The following SFXN1 variants were observed in gnomAD, a reference collection of about 807,000 sequenced individuals.
SFXN1 encodes the protein sideroflexin 1.
Under a neutral mutation model 39.5 loss-of-function variants are expected in SFXN1, and 32 were observed. The ratio of observed to expected loss-of-function variants is 0.81; its 90% CI spans 0.61 to 1.09. The LOEUF (loss-of-function observed/expected upper bound fraction) is 1.09, where lower values mean the gene tolerates loss of function less well. Among genes scored for constraint, SFXN1 ranks in the 50% least tolerant of loss-of-function variants. The pLI is 0.00. For missense variants in SFXN1, 402 were observed against 407.1 expected (o/e 0.99, Z 0.11); for synonymous variants, 136 against 146.5 (o/e 0.93, Z 0.52).
intron 2 of SFXN1, among the ~76,000 whole-genome samples, chr5:175,507,914 G>A (rs987306816): frequency 2.7e-5 from 4 of 150,718 alleles, no homozygotes; most frequent in Admixed American, 2.0e-4. Context: ...TCAAGGCTGC[G>A]GTGAGCTGAG....
rs1761106678 is a variant in SFXN1, at chr5:175,527,638, C to T, written c.*904C>T. The T allele has an allele frequency of 1.3e-5, 2 of 151,724 alleles. No individual in the cohort carries two copies. The highest frequency in any genetic ancestry group is 2.1e-4 in the South Asian group (1 of 4,806). The allele number at this position is 151,724 out of a possible 1,614,324, so 9.4% of individuals were successfully genotyped here. ...CTACCTACATGTCTTTTCTTGTCAT[C>T]CTTATAGATCTCTTTGGCTTTCAGA... On this transcript the variant is annotated 3_prime_UTR_variant, in exon 11 of 11. Coordinates refer to ENST00000321442, the MANE Select transcript of SFXN1 (RefSeq NM_022754.7).
chr5:175,502,181 T>G (rs1451527020), intron 2 of SFXN1, among the ~76,000 whole-genome samples: 1 of 152,058 alleles, frequency 6.6e-6, no homozygotes, highest in Admixed American at 6.6e-5. Flanking sequence ...TGATCTTAGG[T>G]TTTACAATAC....
intron 2 of SFXN1, among the ~76,000 whole-genome samples, chr5:175,501,768 A>C (rs576900921): frequency 1.3e-5 from 2 of 152,320 alleles, no homozygotes; most frequent in African/African-American, 4.8e-5. Flanking sequence ...ATGCAAATCC[A>C]CAAGAAGATG....
chr5:175,512,168 T>C lies in SFXN1; in HGVS notation c.568T>C (p.Cys190Arg). 2 of 1,614,198 alleles carry C rather than the reference T, an allele frequency of 1.2e-6. No homozygotes were observed. Among genetic ancestry groups the C allele is most frequent in the Non-Finnish European group, 1.7e-6 (2 of 1,180,040 alleles). ...VPFAAVAAAN[C>R]INIPLMRQRE... ...CTTTGCTGCCGTAGCTGCTGCTAAT[T>C]GCATTAATATTCCATTAATGAGGCA... The change falls in exon 6 of 11, where the codon TGC (cysteine) becomes CGC (arginine). Residue 190 changes from cysteine to arginine, a missense_variant. Cys to Arg is a radical substitution (Grantham distance 180). Coordinates refer to ENST00000321442, the MANE Select transcript of SFXN1 (RefSeq NM_022754.7).
chr5:175,510,499 G>C (rs1760475362), intron 4 of SFXN1, among the ~76,000 whole-genome samples: 2 of 152,240 alleles, frequency 1.3e-5, no homozygotes, highest in Middle Eastern at 3.4e-3. Context: ...TGGCCCTGTA[G>C]AACACATGGC....
At chr5:175,508,173 T>C (rs891767937) in intron 2 of SFXN1, among the ~76,000 whole-genome samples, 3 of 151,816 alleles carry the variant, frequency 2.0e-5, no homozygotes, top group Non-Finnish European at 4.4e-5. Context: ...ATATATAATT[T>C]CTTTTCTGGC....
Position 175,505,875 on chromosome 5 carries a change from A to G in SFXN1, c.165-3157A>G, listed in dbSNP as rs149611773. On this transcript the variant is annotated intron_variant, in intron 2 of 10. Coordinates refer to ENST00000321442, the MANE Select transcript of SFXN1 (RefSeq NM_022754.7). ...ATTCTTGTTGCCCAGGCTGGAGTGC[A>G]GTGGCACTGTCTTGACTCACTGCAA... 1.8e-3 allele frequency among the ~76,000 whole-genome samples: 267 copies of G among 152,306 alleles called. 13 individuals carry two copies. The East Asian group carries it at 0.041, about 23-fold the overall frequency.
chr5:175,509,002 C>T (rs1760413439), intron 2 of SFXN1, 30 bp from the exon 3 acceptor site: 4 of 1,578,212 alleles, frequency 2.5e-6, no homozygotes, highest in Non-Finnish European at 3.4e-6. Context: ...TTGAAATGAG[C>T]AATTGCCATA....
intron 9 of SFXN1, 62 bp downstream of exon 9, chr5:175,522,030 A>C: frequency 7.2e-7 from 1 of 1,380,276 alleles, no homozygotes; most frequent in African/African-American, 1.4e-5. Context: ...CAGCGTATGA[A>C]AGGTGACTGG....
chr5:175,517,485 A>G (rs1333776290), intron 8 of SFXN1, among the ~76,000 whole-genome samples: 1 of 152,086 alleles, frequency 6.6e-6, no homozygotes, highest in East Asian at 1.9e-4. Flanking sequence ...CTGGCACCTC[A>G]CTGGCTACAA....
chr5:175,514,902 C>G (rs1488876896), intron 7 of SFXN1, among the ~76,000 whole-genome samples: 1 of 152,254 alleles, frequency 6.6e-6, no homozygotes, highest in Non-Finnish European at 1.5e-5. Context: ...ACGTTTGTCA[C>G]TAACCTAAAA....
intron 2 of SFXN1, among the ~76,000 whole-genome samples, chr5:175,508,739 G>T (rs1760402937): frequency 6.6e-6 from 1 of 152,068 alleles, no homozygotes; most frequent in Admixed American, 6.6e-5. Context: ...CCAGATTCAA[G>T]CAATTCTCTT....
Position 175,512,013 on chromosome 5 carries a change from A to T in SFXN1, c.511-98A>T, listed in dbSNP as rs148352314. 4.0e-4 allele frequency: 435 copies of T among 1,096,606 alleles called. 4 individuals are homozygous for T. In the East Asian group the frequency reaches 0.011, roughly 27 times the overall value. The allele number at this position is 1,096,606 out of a possible 1,614,324, so 67.9% of individuals were successfully genotyped here. A position where few individuals can be genotyped will look rare whatever the true frequency, so the allele number is the denominator to read the frequency against. The stretch of plus-strand genomic sequence containing the variant: ...TGGCCTGAGTTTCTATGCAAATGGG[A>T]CTCTGCATTTTTCAGAGTTTTCAAG... On this transcript the variant is annotated intron_variant, in intron 5 of 10. Coordinates refer to ENST00000321442, the MANE Select transcript of SFXN1 (RefSeq NM_022754.7).
chr5:175,508,357 C>A (rs1581304625), intron 2 of SFXN1, among the ~76,000 whole-genome samples: 1 of 150,410 alleles, frequency 6.6e-6, no homozygotes. Flanking sequence ...TCCCAGGTAG[C>A]TGGGACCACA....
chr5:175,509,337 A>T, intron 3 of SFXN1, 135 bp downstream of exon 3: 1 of 777,316 alleles, frequency 1.3e-6, no homozygotes, highest in Non-Finnish European at 2.0e-6. Context: ...AATTAGCTTG[A>T]TTGAATCATT....
intron 2 of SFXN1, among the ~76,000 whole-genome samples, chr5:175,495,303 G>C (rs1468636350): frequency 6.6e-6 from 1 of 152,224 alleles, no homozygotes; most frequent in Non-Finnish European, 1.5e-5. Flanking sequence ...TGGGGGAAGA[G>C]GGAATGGGGA....
chr5:175,519,864 CTTTTTTT>C (rs369561037), intron 8 of SFXN1, among the ~76,000 whole-genome samples: 4 of 77,282 alleles, frequency 5.2e-5, no homozygotes, highest in Non-Finnish European at 7.3e-5. Context: ...GGGTTTTTTG[CTTTTTTT>C]TTTTTTTTTT....
intron 2 of SFXN1, among the ~76,000 whole-genome samples, chr5:175,499,573 A>C (rs1254302275): frequency 6.6e-6 from 1 of 152,220 alleles, no homozygotes; most frequent in Admixed American, 6.5e-5. Context: ...TATCATATCA[A>C]TAGATGCAGA....
rs1208860293 is a variant in SFXN1 at position 175,529,617 on chromosome 5, T to C, written c.*2883T>C. On this transcript the variant is annotated 3_prime_UTR_variant, in exon 11 of 11. Transcript: ENST00000321442. ...ATTAACATGATACAAAGGATGATGA[T>C]TGTAAGTGTTTACTGACTGGCAGCT... 4 of 152,244 alleles carry C rather than the reference T, an allele frequency of 2.6e-5. No individual in the cohort carries two copies. Among genetic ancestry groups the C allele is most frequent in the African/African-American group, 4.8e-5 (2 of 41,472 alleles). The allele number at this position is 152,244 out of a possible 1,614,324, so 9.4% of individuals were successfully genotyped here. A position where few individuals can be genotyped will look rare whatever the true frequency, so the allele number is the denominator to read the frequency against.
Sources: allele counts gnomAD v4.1 joint callset (sites outside exome capture counted in the v4.1 genomes callset), GRCh38; gene constraint gnomAD v4.1.1; transcripts MANE v1.5; gene names NCBI Gene and HGNC (gene_info 2026-07-23, HGNC 2026-07-21).